Variants in MYB observed in about 807,000 individuals in gnomAD.
The protein encoded by MYB is MYB proto-oncogene, transcription factor.
Under a neutral mutation model 92.9 loss-of-function variants are expected in MYB, and 28 were observed. The ratio of observed to expected loss-of-function variants is 0.30; its 90% CI spans 0.22 to 0.41. The LOEUF is 0.41. Ranked by LOEUF, MYB falls within the 10% of genes least tolerant of loss-of-function variation. MYB has a pLI of 1.00. For missense variants in MYB, 679 were observed against 929.3 expected, an observed-to-expected ratio of 0.73 and a Z score of 3.50; for synonymous variants, 295 against 329.1, an observed-to-expected ratio of 0.90 and a Z score of 1.12.
chr6:135,202,221 T>C lies in MYB; in HGVS notation c.2061+472T>C, dbSNP rs1173314876. Among the ~76,000 whole-genome samples, 3 of 152,342 alleles carry C rather than the reference T, an allele frequency of 2.0e-5. No individual in the cohort carries two copies. The East Asian group carries it at 5.8e-4, about 29-fold the overall frequency. On this transcript the variant is annotated intron_variant, in intron 14 of 15. Coordinates refer to ENST00000341911, the MANE Select transcript of MYB (RefSeq NM_001130173.2). The stretch of plus-strand genomic sequence containing the variant: ...AAAGTTTATAATTTGTGAAGGGTTG[T>C]CCTTATGTCTTAAGGAAAATCAGAG...
At chr6:135,189,758 A>T (rs1405021302) in intron 3 of MYB, 33 bp from the exon 4 acceptor site, 2 of 1,576,136 alleles carry the variant, frequency 1.3e-6, no homozygotes, top group African/African-American at 2.7e-5. Flanking sequence ...ATCACATCAT[A>T]TCTTTATGGT....
intron 15 of MYB, among the ~76,000 whole-genome samples, chr6:135,212,538 C>T (rs1282374409): frequency 6.6e-6 from 1 of 151,922 alleles, no homozygotes; most frequent in Non-Finnish European, 1.5e-5. Context: ...ACAGGATATC[C>T]CAGTTAAAGC....
At chr6:135,188,151 A>G (rs546728104) in intron 3 of MYB, among the ~76,000 whole-genome samples, 5 of 152,260 alleles carry the variant, frequency 3.3e-5, no homozygotes, top group African/African-American at 9.6e-5. Context: ...TTCTTGTTTT[A>G]TCTTTTCATT....
chr6:135,192,074 T>G (rs1032081593), intron 5 of MYB, among the ~76,000 whole-genome samples: 1 of 152,070 alleles, frequency 6.6e-6, no homozygotes, highest in Non-Finnish European at 1.5e-5. Flanking sequence ...ACCAAGGAAA[T>G]GGAATGGTTA....
At position 135,181,439 on chromosome 6, in the gene MYB, A is replaced by G; in HGVS notation, c.-75A>G. On this transcript the variant is annotated 5_prime_UTR_variant, in exon 1 of 16. Coordinates refer to ENST00000341911, the MANE Select transcript of MYB (RefSeq NM_001130173.2). This position sits in a 1 kb window ranked among gnomAD's most constrained non-coding sequence, Gnocchi z 5.3. ...TGCGCAGCCGGGGAGGGACGCAGGC[A>G]GGCGGCGGGCAGCGGGAGGCGGCAG... is the stretch of plus-strand genomic sequence containing the variant. 9.7e-7 allele frequency: 1 copy of G among 1,030,458 alleles called. No homozygotes were observed. Among genetic ancestry groups the G allele is most frequent in the Non-Finnish European group, 1.2e-6 (1 of 837,230 alleles). 63.8% of individuals were successfully genotyped at this position (1,030,458 alleles called of 1,614,324 possible). A position where few individuals can be genotyped will look rare whatever the true frequency, so the allele number is the denominator to read the frequency against.
intron 11 of MYB, among the ~76,000 whole-genome samples, chr6:135,199,256 T>C (rs1352695688): frequency 6.6e-6 from 1 of 152,130 alleles, no homozygotes; most frequent in Non-Finnish European, 1.5e-5. Context: ...ATAAACTAGA[T>C]TCCTTTTGTA....
At chr6:135,193,789 C>T (rs374616597) in intron 6 of MYB, 49 bp from the exon 7 acceptor site, 2 of 1,320,164 alleles carry the variant, frequency 1.5e-6, no homozygotes, top group Non-Finnish European at 1.1e-6. Context: ...TCCCCTGAAG[C>T]ATATGTAGCC....
At chr6:135,206,428 T>C (rs963330408) in intron 15 of MYB, among the ~76,000 whole-genome samples, 42 of 151,986 alleles carry the variant, frequency 2.8e-4, no homozygotes, top group African/African-American at 9.9e-4. Context: ...CCAGCCGTGG[T>C]GGCTCACACC....
rs1397813825 is a variant in MYB at position 135,190,066 on chromosome 6, G to A, written c.307-61G>A. ...TAAAGATCTTGTAACACTGAAGAAT[G>A]ATTATACTGACTCATTACATAACTT... On this transcript the variant is annotated intron_variant, in intron 4 of 15. Coordinates refer to ENST00000341911, the MANE Select transcript of MYB (RefSeq NM_001130173.2). This position sits in a 1 kb window ranked among gnomAD's most constrained non-coding sequence, Gnocchi z 4.5. The A allele has an allele frequency of 7.0e-6, 11 of 1,560,732 alleles. No individual in the cohort carries two copies. Among genetic ancestry groups the A allele is most frequent in the Non-Finnish European group, 9.6e-6 (11 of 1,140,052 alleles).
In MYB at chr6:135,202,944, G is replaced by A. The variant is rs567267736; in HGVS notation, c.2062-273G>A. ...AGGCATGTATTTATTAATTCATTTA[G>A]CAGATGTTTTTTGAGTGCCTAACAC... is the stretch of plus-strand genomic sequence containing the variant. On this transcript the variant is annotated intron_variant, in intron 14 of 15. Transcript: ENST00000341911. The A allele has an allele frequency of 6.0e-6, 4 of 664,534 alleles. No homozygotes were observed. In the African/African-American group the frequency reaches 7.0e-5, roughly 12 times the overall value. 41.2% of individuals were successfully genotyped at this position (664,534 alleles called of 1,614,324 possible).
intron 15 of MYB, 26 bp from the exon 16 acceptor site, chr6:135,217,838 C>A: frequency 6.7e-7 from 1 of 1,501,426 alleles, no homozygotes; most frequent in Non-Finnish European, 9.3e-7. Context: ...GTCTGACGCT[C>A]CTGTTGCCAT....
At position 135,181,622 on chromosome 6, in the gene MYB, G is replaced by C; in HGVS notation, c.23+86G>C. 1 of 986,358 alleles carries C rather than the reference G, an allele frequency of 1.0e-6. No homozygotes were observed. The highest frequency in any genetic ancestry group is 1.3e-6 in the Non-Finnish European group (1 of 786,456). The allele number at this position is 986,358 out of a possible 1,614,324, so 61.1% of individuals were successfully genotyped here. On this transcript the variant is annotated intron_variant, in intron 1 of 15. Transcript: ENST00000341911. This position sits in a 1 kb window ranked among gnomAD's most constrained non-coding sequence, Gnocchi z 5.3. ...GGCTCCCGGGAGCAGGTGGGAATTCGTTCCGGGATCATCTGAGGGGCTGTC... is the reference window on the plus strand; with the variant it reads ...GGCTCCCGGGAGCAGGTGGGAATTCCTTCCGGGATCATCTGAGGGGCTGTC...
At chr6:135,191,915 A>G (rs1323048002) in intron 5 of MYB, among the ~76,000 whole-genome samples, 1 of 152,136 alleles carries the variant, frequency 6.6e-6, no homozygotes, top group Non-Finnish European at 1.5e-5. Flanking sequence ...AGACTTCACC[A>G]TGTCCCTCTC....
chr6:135,194,949 A>G lies in MYB; in HGVS notation c.948+489A>G, dbSNP rs140337916. 1.7e-3 allele frequency: 2,305 copies of G among 1,325,778 alleles called. 29 individuals are homozygous for G. In the African/African-American group the frequency reaches 0.03, roughly 17 times the overall value. The allele number at this position is 1,325,778 out of a possible 1,614,324, so 82.1% of individuals were successfully genotyped here. A position where few individuals can be genotyped will look rare whatever the true frequency, so the allele number is the denominator to read the frequency against. ...ACATTAGCTGCTCTCTTTTATTTGC[A>G]TGTGTGAAAGTTATGTGGGCCATTA... On this transcript the variant is annotated intron_variant, in intron 8 of 15. Transcript: ENST00000341911.
At chr6:135,188,320 TC>T (rs1776184818) in intron 3 of MYB, among the ~76,000 whole-genome samples, 1 of 151,962 alleles carries the variant, frequency 6.6e-6, no homozygotes, top group East Asian at 1.9e-4. Context: ...CTTATCACAT[TC>T]CCCCAACCCC....
At chr6:135,183,006 GTTTTTTT>G (rs3071602) in intron 1 of MYB, among the ~76,000 whole-genome samples, 3 of 92,440 alleles carry the variant, frequency 3.2e-5, no homozygotes, top group Non-Finnish European at 6.2e-5. Context: ...GGGGTCATCT[GTTTTTTT>G]TTTTTTTTTT....
chr6:135,200,602 C>A, intron 13 of MYB, 187 bp downstream of exon 13: 1 of 763,980 alleles, frequency 1.3e-6, no homozygotes, highest in African/African-American at 1.7e-5. Flanking sequence ...TTTGGGAAGC[C>A]AAGCCATCTC....
chr6:135,217,791 G>T, intron 15 of MYB, 73 bp from the exon 16 acceptor site: 2 of 1,044,594 alleles, frequency 1.9e-6, no homozygotes, highest in Non-Finnish European at 3.0e-6. Flanking sequence ...CTGTTGGTCA[G>T]TGCTGGCCCT....
chr6:135,192,203 AAG>A, intron 5 of MYB, 119 bp from the exon 6 acceptor site: 1 of 759,658 alleles, frequency 1.3e-6, no homozygotes, highest in African/African-American at 1.7e-5. Flanking sequence ...AACAATTAAA[AAG>A]AGAAAACAAC....
Sources: gnomAD v4.1 joint callset for allele counts (sites outside exome capture counted in the v4.1 genomes callset) on GRCh38, gnomAD v4.1.1 for gene constraint, Gnocchi (gnomAD v3.1) non-coding constraint, MANE v1.5 for transcripts, NCBI Gene and HGNC (gene_info 2026-07-23, HGNC 2026-07-21) for gene names.